SWT1: variants seen among roughly 807,000 people sequenced by gnomAD.
SWT1 encodes the protein transcriptional protein SWT1.
A neutral mutation model predicts 107.3 loss-of-function variants in SWT1; 33 were observed. The ratio of observed to expected loss-of-function variants is 0.31; its 90% CI spans 0.23 to 0.41. The LOEUF is 0.41. Among genes scored for constraint, SWT1 ranks in the 10% least tolerant of loss-of-function variants. The pLI, the probability that SWT1 is intolerant of heterozygous loss-of-function variation, is 1.00. For synonymous variants in SWT1, 345 were observed against 348.3 expected, an observed-to-expected ratio of 0.99 and a Z score of 0.11; for missense variants, 898 against 1,028.9, an observed-to-expected ratio of 0.87 and a Z score of 1.74.
chr1:185,188,081 T>G (rs1197321408), intron 9 of SWT1, among the ~76,000 whole-genome samples: 1 of 152,200 alleles, frequency 6.6e-6, no homozygotes. Flanking sequence ...ACATTTTCAT[T>G]TACTCCTCAT....
intron 7 of SWT1, 82 bp from the exon 8 acceptor site, chr1:185,184,161 C>A: frequency 1.3e-4 from 87 of 649,596 alleles, no homozygotes; most frequent in East Asian, 3.0e-4. Flanking sequence ...ATTGAATTTT[C>A]AATGCTTCTG....
chr1:185,235,190 G>A (rs1660776213), intron 16 of SWT1, among the ~76,000 whole-genome samples: 1 of 152,204 alleles, frequency 6.6e-6, no homozygotes, highest in South Asian at 2.1e-4. Context: ...TAGAAAAAGA[G>A]GGAATCCTCC....
At chr1:185,228,156 T>TA (rs918422186) in intron 15 of SWT1, among the ~76,000 whole-genome samples, 4 of 128,022 alleles carry the variant, frequency 3.1e-5, no homozygotes, top group Non-Finnish European at 4.8e-5. Context: ...TATGTCACAT[T>TA]AAAAAAAAAT....
intron 14 of SWT1, among the ~76,000 whole-genome samples, chr1:185,218,881 C>T (rs143405426): frequency 2.0e-5 from 3 of 152,184 alleles, no homozygotes; most frequent in East Asian, 3.9e-4. Context: ...AGAATTGTCA[C>T]GTGAATTAAC....
chr1:185,227,320 C>A, intron 15 of SWT1: 1 of 737,598 alleles, frequency 1.4e-6, no homozygotes, highest in South Asian at 1.4e-5. Flanking sequence ...TATTCATTGC[C>A]AGTCTCTTCC....
At chr1:185,185,647 G>T (rs1656405858) in intron 9 of SWT1, among the ~76,000 whole-genome samples, 1 of 151,958 alleles carries the variant, frequency 6.6e-6, no homozygotes. Flanking sequence ...ACTGTCCACT[G>T]CACCCATATT....
chr1:185,229,980 G>A (rs1440018210), intron 15 of SWT1, among the ~76,000 whole-genome samples: 2 of 152,068 alleles, frequency 1.3e-5, no homozygotes, highest in Non-Finnish European at 2.9e-5. Context: ...TCCTTTTTGG[G>A]TAATGAAATG....
intron 4 of SWT1, among the ~76,000 whole-genome samples, chr1:185,170,747 G>A (rs1341191572): frequency 6.6e-6 from 1 of 152,200 alleles, no homozygotes; most frequent in Non-Finnish European, 1.5e-5. Context: ...TTTATGGTGG[G>A]TGATGGACTA....
chr1:185,204,040 A>C (rs1658104184), intron 11 of SWT1, among the ~76,000 whole-genome samples: 1 of 152,198 alleles, frequency 6.6e-6, no homozygotes, highest in Non-Finnish European at 1.5e-5. Context: ...CTAAAAAGTA[A>C]TGTTAATGAA....
At chr1:185,189,364 G>C (rs1441849113) in intron 9 of SWT1, among the ~76,000 whole-genome samples, 1 of 152,144 alleles carries the variant, frequency 6.6e-6, no homozygotes, top group Admixed American at 6.5e-5. Context: ...GTCAGCAGCT[G>C]ATTAACATTT....
intron 5 of SWT1, among the ~76,000 whole-genome samples, chr1:185,178,409 C>T (rs1421218636): frequency 6.6e-6 from 1 of 152,116 alleles, no homozygotes; most frequent in Non-Finnish European, 1.5e-5. Flanking sequence ...AGCCACTGAA[C>T]CACAGTCAGG....
At chr1:185,281,255 T>C in intron 18 of SWT1, 1 of 213,248 alleles carries the variant, frequency 4.7e-6, no homozygotes, top group Non-Finnish European at 9.5e-6. Flanking sequence ...CCCAAGGACC[T>C]GAGCCTGCCC....
intron 18 of SWT1, among the ~76,000 whole-genome samples, chr1:185,282,249 C>T (rs1664674711): frequency 6.6e-6 from 1 of 152,080 alleles, no homozygotes; most frequent in African/African-American, 2.4e-5. Flanking sequence ...TGAGTTCTGA[C>T]CCTTTTGAAC....
chr1:185,249,744 G>A (rs1661874807), intron 16 of SWT1, among the ~76,000 whole-genome samples: 1 of 152,120 alleles, frequency 6.6e-6, no homozygotes, highest in Non-Finnish European at 1.5e-5. Flanking sequence ...TGCACATGTT[G>A]CTAGTACTTG....
chr1:185,202,796 G>A lies in SWT1; in HGVS notation c.1666G>A (p.Ala556Thr), dbSNP rs1393406768. 6.6e-6 allele frequency: 10 copies of A among 1,506,426 alleles called. No homozygotes were observed. Among genetic ancestry groups the A allele is most frequent in the African/African-American group, 1.4e-5 (1 of 71,522 alleles). The allele number at this position is 1,506,426 out of a possible 1,614,324, so 93.3% of individuals were successfully genotyped here. ...QPCIPKQQLK[A>T]ETTPLKESYK... ...TTGTATTCCTAAGCAACAGTTGAAAGCAGGTAGTATTTTTACTATAAATAA... is the reference window on the plus strand; with the variant it reads ...TTGTATTCCTAAGCAACAGTTGAAAACAGGTAGTATTTTTACTATAAATAA... The change falls in exon 11 of 19, where the codon GCA becomes ACA. Residue 556 changes from alanine (A) to threonine (T), a missense_variant. By Grantham distance (58) the Ala-to-Thr change is moderately conservative. Around this residue, in one of 6 missense-constraint regions of SWT1, gnomAD observed 382 missense variants for 460.0 expected, o/e 0.83. Transcript: ENST00000367500.
chr1:185,267,733 C>A (rs550185198), intron 16 of SWT1, among the ~76,000 whole-genome samples: 8 of 152,092 alleles, frequency 5.3e-5, no homozygotes, highest in Admixed American at 3.3e-4. Flanking sequence ...TTAAAAATGG[C>A]CATTGTCTAA....
chr1:185,236,899 A>G (rs924041911), intron 16 of SWT1, among the ~76,000 whole-genome samples: 2 of 152,256 alleles, frequency 1.3e-5, no homozygotes, highest in African/African-American at 4.8e-5. Context: ...AAGTGGGCAA[A>G]TGATATGAAC....
At chr1:185,223,089 C>T (rs1386419698) in intron 15 of SWT1, among the ~76,000 whole-genome samples, 8 of 152,288 alleles carry the variant, frequency 5.3e-5, no homozygotes, top group East Asian at 1.9e-4. Flanking sequence ...CTGGATCATA[C>T]GGTAGTTCGG....
rs141023029 is a variant in SWT1 at position 185,195,470 on chromosome 1, T to G, written c.1523+4828T>G. Among the ~76,000 whole-genome samples, 9 of 152,378 alleles carry G rather than the reference T, an allele frequency of 5.9e-5. No individual in the cohort carries two copies. The East Asian group carries it at 1.7e-3, about 29-fold the overall frequency. ...GCCGCAATAAACATATGTGTGCATG[T>G]GTCTTTATAGTAGCATGACTTATAA... On this transcript the variant is annotated intron_variant, in intron 10 of 18. Coordinates refer to ENST00000367500, the MANE Select transcript of SWT1 (RefSeq NM_017673.7).
Sources: allele counts gnomAD v4.1 joint callset (sites outside exome capture counted in the v4.1 genomes callset), GRCh38; gene constraint gnomAD v4.1.1; regional missense constraint gnomAD v4.1.1; transcripts MANE v1.5; gene names NCBI Gene and HGNC (gene_info 2026-07-23, HGNC 2026-07-21).